The following POU6F2 variants were observed in gnomAD, a reference collection of about 807,000 sequenced individuals.
POU6F2 encodes the protein POU domain, class 6, transcription factor 2.
In POU6F2, 31 loss-of-function variants were observed where a neutral mutation model predicts 71.3. The observed-to-expected ratio is 0.43, with a 90% confidence interval of 0.33 to 0.59. The LOEUF (loss-of-function observed/expected upper bound fraction) is 0.59. Among genes scored for constraint, POU6F2 ranks in the 20% least tolerant of loss-of-function variants. The pLI is 0.04. For missense variants in POU6F2, 783 were observed against 856.8 expected, an observed-to-expected ratio of 0.91 and a Z score of 1.07; for synonymous variants, 347 against 355.7, an observed-to-expected ratio of 0.98 and a Z score of 0.27.
At chr7:39,148,510 T>C (rs1314456381) in intron 2 of POU6F2, among the ~76,000 whole-genome samples, 5 of 151,792 alleles carry the variant, frequency 3.3e-5, no homozygotes, top group Admixed American at 3.3e-4. Context: ...GTGTTAACTA[T>C]GATGATAATG....
intron 2 of POU6F2, among the ~76,000 whole-genome samples, chr7:39,129,634 TAG>T (rs1792216119): frequency 6.6e-6 from 1 of 151,096 alleles, no homozygotes; most frequent in African/African-American, 2.4e-5. Flanking sequence ...TATAGATAGA[TAG>T]ATAGATAGAT....
At chr7:39,123,791 T>C (rs1792091981) in intron 2 of POU6F2, among the ~76,000 whole-genome samples, 2 of 151,984 alleles carry the variant, frequency 1.3e-5, no homozygotes, top group African/African-American at 4.8e-5. Flanking sequence ...TTTTTTTTTA[T>C]TCTTTATTTT....
intron 4 of POU6F2, among the ~76,000 whole-genome samples, chr7:39,257,489 C>T (rs759158154): frequency 2.0e-5 from 3 of 152,024 alleles, no homozygotes; most frequent in Non-Finnish European, 4.4e-5. Context: ...TGTTTGTTAT[C>T]TAGAAACAAA....
At chr7:39,268,768 C>T (rs73128428) in intron 4 of POU6F2, among the ~76,000 whole-genome samples, 15,433 of 152,228 alleles carry the variant, frequency 0.1, 1,075 homozygotes, top group Non-Finnish European at 0.15. Flanking sequence ...AATTAATACA[C>T]ATTACATTTT....
intron 1 of POU6F2, among the ~76,000 whole-genome samples, chr7:39,021,844 A>G (rs995846928): frequency 6.6e-6 from 1 of 152,074 alleles, no homozygotes; most frequent in African/African-American, 2.4e-5. Flanking sequence ...TTCATTCCTT[A>G]ATGTTTGTTT....
chr7:39,189,382 G>T (rs886393347), intron 2 of POU6F2, among the ~76,000 whole-genome samples: 44 of 152,034 alleles, frequency 2.9e-4, no homozygotes, highest in African/African-American at 9.9e-4. Flanking sequence ...TTGTGTGTTT[G>T]TTTGTTTGTT....
Position 39,015,579 on chromosome 7 carries a change from CTA to C in POU6F2, c.105+37523_105+37524del, listed in dbSNP as rs1386518062. Among the ~76,000 whole-genome samples the C allele has an allele frequency of 2.4e-4, 24 of 98,092 alleles. 1 individual carries two copies. Among genetic ancestry groups the C allele is most frequent in the Admixed American group, 5.8e-4 (4 of 6,886 alleles). 64.4% of individuals were successfully genotyped at this position (98,092 alleles called of 152,430 possible). A position where few individuals can be genotyped will look rare whatever the true frequency, so the allele number is the denominator to read the frequency against. ...ATATAGATCTACATTATAGATATAT[CTA>C]TGTTTTATATAGATATATCTATGTT... On this transcript the variant is annotated intron_variant, in intron 1 of 9. Transcript: ENST00000518318.
At chr7:39,009,889 G>C (rs1267380675) in intron 1 of POU6F2, among the ~76,000 whole-genome samples, 1 of 151,282 alleles carries the variant, frequency 6.6e-6, no homozygotes, top group South Asian at 2.1e-4. Context: ...GATCATGGTG[G>C]ATAAGCTTTT....
At chr7:39,247,374 C>A (rs1418941834) in intron 4 of POU6F2, among the ~76,000 whole-genome samples, 1 of 151,874 alleles carries the variant, frequency 6.6e-6, no homozygotes, top group Non-Finnish European at 1.5e-5. Context: ...TCGCCTAAGC[C>A]CAGTAGGCGG....
intron 3 of POU6F2, among the ~76,000 whole-genome samples, chr7:39,205,890 C>A (rs570676585): frequency 2.8e-4 from 42 of 152,194 alleles, no homozygotes; most frequent in Middle Eastern, 3.4e-3. Flanking sequence ...CCTCATTCTT[C>A]AGATAAAGCA....
intron 5 of POU6F2, chr7:39,406,315 T>G (rs941679212): frequency 4.3e-5 from 18 of 422,454 alleles, no homozygotes; most frequent in African/African-American, 3.6e-4. Context: ...CCCCAGAAGG[T>G]CCTAACAGCC....
intron 2 of POU6F2, among the ~76,000 whole-genome samples, chr7:39,180,079 G>GA (rs1318892695): frequency 1.3e-5 from 2 of 152,314 alleles, no homozygotes; most frequent in East Asian, 3.9e-4. Flanking sequence ...CTCCCCAGAA[G>GA]AGTAAATTCT....
rs375680332 is a variant in POU6F2, at chr7:39,016,064, A to G, written c.105+38006A>G. Among the ~76,000 whole-genome samples, 3 of 33,768 alleles carry G rather than the reference A, an allele frequency of 8.9e-5. 1 individual carries two copies. The highest frequency in any genetic ancestry group is 2.0e-4 in the Non-Finnish European group (3 of 15,128). 22.2% of individuals were successfully genotyped at this position (33,768 alleles called of 152,430 possible). On this transcript the variant is annotated intron_variant, in intron 1 of 9. Coordinates refer to ENST00000518318, the MANE Select transcript of POU6F2 (RefSeq NM_001370959.1). Reference sequence around the variant, plus strand: ...ATTATATATTATATATATTATATATAATATATAGATATATATTATATCTAT... The same window carrying G: ...ATTATATATTATATATATTATATATGATATATAGATATATATTATATCTAT...
chr7:39,289,088 C>T (rs559567258), intron 4 of POU6F2, among the ~76,000 whole-genome samples: 4 of 152,294 alleles, frequency 2.6e-5, no homozygotes, highest in African/African-American at 9.6e-5. Flanking sequence ...GTTAGGGTAG[C>T]ACTCACACCT....
chr7:39,226,291 GA>G (rs1348442605), intron 4 of POU6F2, among the ~76,000 whole-genome samples: 9 of 152,198 alleles, frequency 5.9e-5, no homozygotes, highest in African/African-American at 2.2e-4. Context: ...GAACTGAAAT[GA>G]AAAGGGTGTT....
At chr7:39,414,008 G>A (rs1285481578) in intron 6 of POU6F2, among the ~76,000 whole-genome samples, 1 of 152,142 alleles carries the variant, frequency 6.6e-6, no homozygotes, top group African/African-American at 2.4e-5. Flanking sequence ...GCCGTCTCGC[G>A]TGGGACCCAC....
chr7:39,398,040 TA>T (rs1228164963), intron 5 of POU6F2, among the ~76,000 whole-genome samples: 13 of 148,252 alleles, frequency 8.8e-5, no homozygotes, highest in East Asian at 2.0e-4. Context: ...CACGTATTTT[TA>T]AAAAAAAAAC....
At chr7:39,082,090 T>C (rs1791132457) in intron 1 of POU6F2, among the ~76,000 whole-genome samples, 1 of 152,250 alleles carries the variant, frequency 6.6e-6, no homozygotes, top group Admixed American at 6.5e-5. Context: ...CCTATATTTA[T>C]TCCTTCATAA....
intron 2 of POU6F2, among the ~76,000 whole-genome samples, chr7:39,107,039 CTTTT>C (rs70977458): frequency 7.6e-6 from 1 of 130,912 alleles, no homozygotes; most frequent in Non-Finnish European, 1.6e-5. Context: ...TTCTTTCTTT[CTTTT>C]TTTTTTTTTT....
Sources: allele counts gnomAD v4.1 joint callset (sites outside exome capture counted in the v4.1 genomes callset), GRCh38; gene constraint gnomAD v4.1.1; transcripts MANE v1.5; gene names NCBI Gene and HGNC (gene_info 2026-07-23, HGNC 2026-07-21).